SPAG16: variants seen among roughly 807,000 people sequenced by gnomAD.
SPAG16 encodes sperm-associated antigen 16 protein.
In SPAG16, 86 loss-of-function variants were observed where a neutral mutation model predicts 80.4. The ratio of observed to expected loss-of-function variants is 1.07; its 90% CI spans 0.90 to 1.28. SPAG16 has a LOEUF of 1.28. SPAG16 is among the 50% of genes most tolerant of loss of function. The pLI, the probability that SPAG16 is intolerant of heterozygous loss-of-function variation, is 0.00. For missense variants in SPAG16, 870 were observed against 765.3 expected (o/e 1.14, Z -1.61); for synonymous variants, 294 against 265.9 (o/e 1.11, Z -1.03).
At chr2:213,363,619 A>G (rs963549367) in intron 7 of SPAG16, among the ~76,000 whole-genome samples, 19 of 152,214 alleles carry the variant, frequency 1.2e-4, no homozygotes, top group African/African-American at 4.3e-4. Flanking sequence ...AAAATAGAGA[A>G]TATATGTGGG....
chr2:214,041,976 G>GTATATA (rs1412300296), intron 13 of SPAG16, among the ~76,000 whole-genome samples: 12 of 88,238 alleles, frequency 1.4e-4, no homozygotes, highest in African/African-American at 6.5e-4. Flanking sequence ...GTGTCTGTGT[G>GTATATA]TGTATATATA....
intron 10 of SPAG16, among the ~76,000 whole-genome samples, chr2:213,728,887 A>AAAAAAAAAAAAAAAAAAAAAC (rs2066901786): frequency 5.2e-5 from 1 of 19,344 alleles, no homozygotes; most frequent in Non-Finnish European, 1.3e-4. Context: ...AAAAAAAAAA[A>AAAAAAAAAAAAAAAAAAAAAC]AAAAAAAAAA....
At chr2:213,645,229 T>C (rs2062777853) in intron 10 of SPAG16, among the ~76,000 whole-genome samples, 1 of 152,258 alleles carries the variant, frequency 6.6e-6, no homozygotes, top group African/African-American at 2.4e-5. Flanking sequence ...GGAACTGGAC[T>C]GGAACTCAGC....
chr2:214,337,046 C>T (rs946103201), intron 15 of SPAG16, among the ~76,000 whole-genome samples: 4 of 150,764 alleles, frequency 2.7e-5, no homozygotes, highest in African/African-American at 7.2e-5. Context: ...AGGTACTTGA[C>T]GCCAGTCCCC....
At chr2:213,681,193 T>G (rs1256358347) in intron 10 of SPAG16, among the ~76,000 whole-genome samples, 1 of 152,218 alleles carries the variant, frequency 6.6e-6, no homozygotes. Flanking sequence ...CACAGGATAC[T>G]TTGCAGGGCA....
chr2:214,133,948 C>T (rs374806077), intron 14 of SPAG16, among the ~76,000 whole-genome samples: 5 of 151,940 alleles, frequency 3.3e-5, no homozygotes, highest in African/African-American at 1.2e-4. Context: ...CATTGAGGTA[C>T]GTGGGGAACT....
At chr2:214,301,103 A>G (rs1203723868) in intron 15 of SPAG16, among the ~76,000 whole-genome samples, 1 of 150,104 alleles carries the variant, frequency 6.7e-6, no homozygotes, top group African/African-American at 2.4e-5. Context: ...CACATCAAAA[A>G]GAAAATATAT....
intron 15 of SPAG16, among the ~76,000 whole-genome samples, chr2:214,246,203 A>G (rs927225994): frequency 1.2e-4 from 18 of 152,110 alleles, no homozygotes; most frequent in African/African-American, 4.3e-4. Flanking sequence ...CTTTAGACAA[A>G]TCCCTGGACT....
chr2:213,807,508 C>A (rs1227466091), intron 10 of SPAG16, among the ~76,000 whole-genome samples: 1 of 152,150 alleles, frequency 6.6e-6, no homozygotes, highest in Non-Finnish European at 1.5e-5. Flanking sequence ...TATTCTAGTA[C>A]ATTCCCTTTC....
At chr2:214,059,024 T>C (rs915996355) in intron 13 of SPAG16, among the ~76,000 whole-genome samples, 6 of 151,728 alleles carry the variant, frequency 4.0e-5, no homozygotes, top group Admixed American at 3.3e-4. Flanking sequence ...AAATGTAAAA[T>C]CTGACCAGTC....
intron 15 of SPAG16, among the ~76,000 whole-genome samples, chr2:214,173,508 G>A (rs551867075): frequency 6.6e-6 from 1 of 152,026 alleles, no homozygotes; most frequent in South Asian, 2.1e-4. Flanking sequence ...TAGCCTTGTA[G>A]TATAGTATGA....
chr2:214,242,457 T>G (rs1689561807), intron 15 of SPAG16, among the ~76,000 whole-genome samples: 1 of 152,216 alleles, frequency 6.6e-6, no homozygotes, highest in Non-Finnish European at 1.5e-5. Flanking sequence ...AAGGTTGTTT[T>G]CTTTTCTCCT....
At chr2:213,932,949 A>AACACACACACACACACACACAC (rs3076792) in intron 12 of SPAG16, among the ~76,000 whole-genome samples, 18 of 144,044 alleles carry the variant, frequency 1.2e-4, no homozygotes, top group African/African-American at 4.7e-4. Flanking sequence ...GTTGTTTGAA[A>AACACACACACACACACACACAC]ACACACACAC....
At chr2:213,357,453 A>G (rs1477800781) in intron 7 of SPAG16, among the ~76,000 whole-genome samples, 1 of 152,160 alleles carries the variant, frequency 6.6e-6, no homozygotes, top group Admixed American at 6.5e-5. Context: ...CTTTGGGTGC[A>G]TATATATTTA....
At chr2:213,775,459 C>T (rs575833018) in intron 10 of SPAG16, among the ~76,000 whole-genome samples, 10 of 152,264 alleles carry the variant, frequency 6.6e-5, no homozygotes, top group Non-Finnish European at 1.3e-4. Context: ...TTTGTTATTA[C>T]CTATTTTGTG....
intron 10 of SPAG16, among the ~76,000 whole-genome samples, chr2:213,839,905 A>G (rs1368445873): frequency 9.2e-5 from 14 of 152,186 alleles, no homozygotes; most frequent in Admixed American, 9.2e-4. Context: ...GGGGGAAATA[A>G]GGGGAAGGCT....
At chr2:213,888,206 G>C (rs4672690) in intron 11 of SPAG16, among the ~76,000 whole-genome samples, 4 of 151,410 alleles carry the variant, frequency 2.6e-5, no homozygotes, top group Non-Finnish European at 5.9e-5. Context: ...ATATGTTACT[G>C]TTTCATAATT....
At chr2:213,951,022 T>TTG (rs1319074267) in intron 12 of SPAG16, among the ~76,000 whole-genome samples, 1 of 147,706 alleles carries the variant, frequency 6.8e-6, no homozygotes, top group Non-Finnish European at 1.5e-5. Flanking sequence ...TGACATAGTT[T>TTG]TTTTTTTTTT....
At chr2:214,297,924 T>C (rs184225086) in intron 15 of SPAG16, among the ~76,000 whole-genome samples, 87 of 151,776 alleles carry the variant, frequency 5.7e-4, no homozygotes, top group African/African-American at 1.8e-3. Context: ...ATACTGTAGA[T>C]TGCTTTGGAA....
Sources: allele counts gnomAD v4.1 joint callset (sites outside exome capture counted in the v4.1 genomes callset), GRCh38; gene constraint gnomAD v4.1.1; transcripts MANE v1.5; gene names NCBI Gene and HGNC (gene_info 2026-07-23, HGNC 2026-07-21).